Variants in NKX6-3 observed in about 807,000 individuals in gnomAD.
NKX6-3 encodes the protein homeobox protein Nkx-6.3.
A neutral mutation model predicts 22.0 loss-of-function variants in NKX6-3; 17 were observed. That is an observed-to-expected ratio of 0.77 (90% CI 0.53 to 1.16). NKX6-3 has a LOEUF of 1.16. NKX6-3 is among the 50% of genes most tolerant of loss of function. The probability of loss-of-function intolerance (pLI) is 0.00; values close to 1 mark genes in which losing one functional copy is unlikely to be tolerated. For synonymous variants in NKX6-3, 177 were observed against 167.2 expected, an observed-to-expected ratio of 1.06 and a Z score of -0.45; for missense variants, 363 against 359.0, an observed-to-expected ratio of 1.01 and a Z score of -0.09.
In NKX6-3 at chr8:41,647,417, C is replaced by G. The variant is rs531798930; in HGVS notation, c.552+649G>C. 469 of 1,488,342 alleles carry G rather than the reference C, an allele frequency of 3.2e-4. 1 individual carries two copies. In the African/African-American group the frequency reaches 6.3e-3, roughly 20 times the overall value. 92.2% of individuals were successfully genotyped at this position (1,488,342 alleles called of 1,614,324 possible). Reference sequence around the variant, plus strand: ...AAGTGGGGAAAGTTGCCCCCAGACTCTAAGGCGGTAGAAACCGGTTTCCCC... The same window carrying G: ...AAGTGGGGAAAGTTGCCCCCAGACTGTAAGGCGGTAGAAACCGGTTTCCCC... On this transcript the variant is annotated intron_variant, in intron 2 of 2. Transcript: ENST00000518699.
Position 41,647,245 on chromosome 8 carries a change from G to A in NKX6-3, c.553-551C>T, listed in dbSNP as rs535689321. 79 of 1,611,360 alleles carry A rather than the reference G, an allele frequency of 4.9e-5. 1 individual carries two copies. The South Asian group carries it at 8.0e-4, about 16-fold the overall frequency. ...TGTCTGCTTCTTCCCCCCAGCTCTC[G>A]CCCCAGGGCAGCTGAGCGGCTGATG... On this transcript the variant is annotated intron_variant, in intron 2 of 2. Coordinates refer to ENST00000518699, the MANE Select transcript of NKX6-3 (RefSeq NM_001364841.2).
In NKX6-3 at chr8:41,650,753, C is replaced by A. The variant is rs895535594; in HGVS notation, c.-261G>T. ...CTTGCCCTGGCCGGACAGGGTGGCC[C>A]CCTAAGCCTCAGCTCAGACCCCCTT... On this transcript the variant is annotated 5_prime_UTR_variant, in exon 1 of 3. Coordinates refer to ENST00000518699, the MANE Select transcript of NKX6-3 (RefSeq NM_001364841.2). 1 of 463,882 alleles carries A rather than the reference C, an allele frequency of 2.2e-6. No homozygotes were observed. The highest frequency in any genetic ancestry group is 2.0e-5 in the African/African-American group (1 of 49,724). The allele number at this position is 463,882 out of a possible 1,614,324, so 28.7% of individuals were successfully genotyped here.
intron 2 of NKX6-3, among the ~76,000 whole-genome samples, chr8:41,647,832 G>A (rs1469339784): frequency 6.6e-6 from 1 of 152,172 alleles, no homozygotes; most frequent in Non-Finnish European, 1.5e-5. Context: ...CCCCCGGGTT[G>A]CTGAGAGGAT....
At position 41,650,470 on chromosome 8, in the gene NKX6-3, G is replaced by A. The variant is rs1420169397; in HGVS notation, c.23C>T (p.Thr8Met). Reference sequence around the variant, plus strand: ...CAGCGGCGTGTTGTTCAGCAGGAACGTCCCCTGCAGGTTGGACTCCATGAT... The same window carrying A: ...CAGCGGCGTGTTGTTCAGCAGGAACATCCCCTGCAGGTTGGACTCCATGAT... MESNLQG[T>M]FLLNNTPLAQ... The change falls in exon 1 of 3, where the codon ACG becomes ATG. Residue 8 changes from threonine (T) to methionine (M), a missense_variant. Thr to Met is a moderately conservative substitution (Grantham distance 81). Around this residue, in one of 3 missense-constraint regions of NKX6-3, gnomAD observed 175 missense variants for 160.9 expected, o/e 1.09. Coordinates refer to ENST00000518699, the MANE Select transcript of NKX6-3 (RefSeq NM_001364841.2). 12 of 1,535,574 alleles carry A rather than the reference G, an allele frequency of 7.8e-6. No homozygotes were observed. Among genetic ancestry groups the A allele is most frequent in the East Asian group, 2.4e-5 (1 of 40,898 alleles).
Position 41,648,053 on chromosome 8 carries a change from C to T in NKX6-3, c.552+13G>A, listed in dbSNP as rs774198346. The T allele has an allele frequency of 2.7e-5, 41 of 1,523,720 alleles. No homozygotes were observed. Among genetic ancestry groups the T allele is most frequent in the Middle Eastern group, 1.7e-4 (1 of 5,960 alleles). The allele number at this position is 1,523,720 out of a possible 1,614,324, so 94.4% of individuals were successfully genotyped here. The stretch of plus-strand genomic sequence containing the variant: ...TCCCTGCAGGGCAGGTGCCATCTCC[C>T]GCACAGACTTACCTTGACCTGCGAC... On this transcript the variant is annotated intron_variant, in intron 2 of 2. Coordinates refer to ENST00000518699, the MANE Select transcript of NKX6-3 (RefSeq NM_001364841.2).
rs544222345 is a variant in NKX6-3 at position 41,646,654 on chromosome 8, C to T, written c.593G>A (p.Ser198Asn). Residue 198 changes from serine to asparagine, a missense_variant, in exon 3 of 3, where the codon AGC (serine) becomes AAC (asparagine). This residue lies in a region of NKX6-3 where 169 missense variants were observed against 155.8 expected (regional missense o/e 1.08). Coordinates refer to ENST00000518699, the MANE Select transcript of NKX6-3 (RefSeq NM_001364841.2). Reference sequence around the variant, plus strand: ...CGTGGAGGACGAGGGCTCCAGGGCGCTCTTCTTCCGCCACTTGGTCCTGCG... The same window carrying T: ...CGTGGAGGACGAGGGCTCCAGGGCGTTCTTCTTCCGCCACTTGGTCCTGCG... Reference protein sequence around the residue: ...QNRRTKWRKKSALEPSSSTPR... With the variant: ...QNRRTKWRKKNALEPSSSTPR... 6.5e-7 allele frequency: 1 copy of T among 1,546,574 alleles called. No homozygotes were observed. Among genetic ancestry groups the T allele is most frequent in the South Asian group, 1.2e-5 (1 of 84,156 alleles).
At chr8:41,649,783 G>C (rs1298384836) in intron 1 of NKX6-3, among the ~76,000 whole-genome samples, 1 of 152,210 alleles carries the variant, frequency 6.6e-6, no homozygotes, top group African/African-American at 2.4e-5. Context: ...GCAGAAGCCA[G>C]CTGGGCTGCC....
Position 41,646,408 on chromosome 8 carries a change from C to G in NKX6-3, c.*41G>C, listed in dbSNP as rs745361744. On this transcript the variant is annotated 3_prime_UTR_variant, in exon 3 of 3. Coordinates refer to ENST00000518699, the MANE Select transcript of NKX6-3 (RefSeq NM_001364841.2). ...GGAAGGTAGGCTCCTCGGCGTCCCC[C>G]CGCAGGCTGCAGCCAGGATCCCGGG... The G allele has an allele frequency of 6.4e-7, 1 of 1,554,536 alleles. No individual in the cohort carries two copies. Among genetic ancestry groups the G allele is most frequent in the Non-Finnish European group, 8.7e-7 (1 of 1,155,196 alleles).
In NKX6-3 at chr8:41,650,195, C is replaced by T. The variant is rs1328614893; in HGVS notation, c.298G>A (p.Ala100Thr). ...GTCCGGGTCGGGTACTCGTTCCCAG[C>T]CTTGGAAAAATTCCCTACCTGGGGG... is the stretch of plus-strand genomic sequence containing the variant. The part of the protein sequence containing the change: ...YSPQVGNFSK[A>T]GNEYPTRTRN... The change falls in exon 1 of 3, where the codon GCT (alanine) becomes ACT (threonine). Residue 100 changes from alanine to threonine, a missense_variant. Around this residue, in one of 3 missense-constraint regions of NKX6-3, gnomAD observed 175 missense variants for 160.9 expected, o/e 1.09. Coordinates refer to ENST00000518699, the MANE Select transcript of NKX6-3 (RefSeq NM_001364841.2). 4 of 1,534,810 alleles carry T rather than the reference C, an allele frequency of 2.6e-6. No homozygotes were observed. The African/African-American group carries it at 5.5e-5, about 21-fold the overall frequency.
chr8:41,650,684 C>T lies in NKX6-3; in HGVS notation c.-192G>A, dbSNP rs1804301871. The T allele has an allele frequency of 3.3e-6, 2 of 603,620 alleles. No individual in the cohort carries two copies. Among genetic ancestry groups the T allele is most frequent in the Non-Finnish European group, 2.9e-6 (1 of 349,890 alleles). 37.4% of individuals were successfully genotyped at this position (603,620 alleles called of 1,614,324 possible). A position where few individuals can be genotyped will look rare whatever the true frequency, so the allele number is the denominator to read the frequency against. On this transcript the variant is annotated 5_prime_UTR_variant, in exon 1 of 3. Coordinates refer to ENST00000518699, the MANE Select transcript of NKX6-3 (RefSeq NM_001364841.2). ...CGATCAGCTGCTCGGAAGTCAGGTG[C>T]TCGGGGCAGGTGGGAGGCCTCCCCA...
chr8:41,647,499 C>T (rs1221783675), intron 2 of NKX6-3: 2 of 777,558 alleles, frequency 2.6e-6, no homozygotes, highest in South Asian at 1.9e-5. Context: ...AGCCTGGGCT[C>T]ACCCTCCCTA....
At chr8:41,649,682 G>T (rs974060124) in intron 1 of NKX6-3, among the ~76,000 whole-genome samples, 2 of 152,214 alleles carry the variant, frequency 1.3e-5, no homozygotes, top group Admixed American at 6.5e-5. Flanking sequence ...GTGATGCCAG[G>T]GCTCTCTGGG....
chr8:41,646,170 G>A lies in NKX6-3; in HGVS notation c.*279C>T. 1 of 553,850 alleles carries A rather than the reference G, an allele frequency of 1.8e-6. No homozygotes were observed. The highest frequency in any genetic ancestry group is 2.3e-5 in the South Asian group (1 of 42,744). 34.3% of individuals were successfully genotyped at this position (553,850 alleles called of 1,614,324 possible). A position where few individuals can be genotyped will look rare whatever the true frequency, so the allele number is the denominator to read the frequency against. ...ACTGGCAGGCGAGGCCCGAGGAGGT[G>A]CAAGGGGCAGCGGCTTCCAGGTCTC... On this transcript the variant is annotated 3_prime_UTR_variant, in exon 3 of 3. Coordinates refer to ENST00000518699, the MANE Select transcript of NKX6-3 (RefSeq NM_001364841.2).
Position 41,646,613 on chromosome 8 carries a change from CGCCCGGG to C in NKX6-3, c.627_633del (p.Pro210AlafsTer127), listed in dbSNP as rs1343718624. The C allele has an allele frequency of 1.3e-6, 2 of 1,563,132 alleles. No individual in the cohort carries two copies. The highest frequency in any genetic ancestry group is 1.7e-6 in the Non-Finnish European group (2 of 1,154,646). On this transcript the variant is annotated frameshift_variant, in exon 3 of 3. Coordinates refer to ENST00000518699, the MANE Select transcript of NKX6-3 (RefSeq NM_001364841.2). LOFTEE classifies it high-confidence loss of function. ...TCCCCGCCTGCGCCTGCACCCGCGC[CGCCCGGG>C]GCCCGGGGCGTGGAGGACGAGGGCT...
rs1804200453 is a variant in NKX6-3 at position 41,646,399 on chromosome 8, G to T, written c.*50C>A. ...AAGGGGAGGGGAAGGTAGGCTCCTC[G>T]GCGTCCCCCCGCAGGCTGCAGCCAG... On this transcript the variant is annotated 3_prime_UTR_variant, in exon 3 of 3. Coordinates refer to ENST00000518699, the MANE Select transcript of NKX6-3 (RefSeq NM_001364841.2). The T allele has an allele frequency of 6.5e-7, 1 of 1,543,120 alleles. No individual in the cohort carries two copies. Among genetic ancestry groups the T allele is most frequent in the Non-Finnish European group, 8.7e-7 (1 of 1,150,076 alleles).
chr8:41,650,085 G>A, intron 1 of NKX6-3, 26 bp downstream of exon 1: 1 of 1,514,908 alleles, frequency 6.6e-7, no homozygotes, highest in South Asian at 1.2e-5. Flanking sequence ...GGTGCCGGGA[G>A]GTGGCTGGGG....
intron 2 of NKX6-3, among the ~76,000 whole-genome samples, chr8:41,647,034 G>A (rs369697390): frequency 4.0e-4 from 59 of 146,342 alleles, no homozygotes; most frequent in African/African-American, 1.4e-3. Context: ...TGCGCGGGTG[G>A]AAGGCTTAGC....
chr8:41,650,651 C>A lies in NKX6-3; in HGVS notation c.-159G>T. On this transcript the variant is annotated 5_prime_UTR_variant, in exon 1 of 3. Transcript: ENST00000518699. ...CATGGGCCAGGCCCTGGCCCAGGAA[C>A]CGGCACCCGATCAGCTGCTCGGAAG... is the stretch of plus-strand genomic sequence containing the variant. 2.9e-6 allele frequency: 2 copies of A among 692,484 alleles called. No homozygotes were observed. Among genetic ancestry groups the A allele is most frequent in the South Asian group, 3.8e-5 (2 of 51,956 alleles). The allele number at this position is 692,484 out of a possible 1,614,324, so 42.9% of individuals were successfully genotyped here. A position where few individuals can be genotyped will look rare whatever the true frequency, so the allele number is the denominator to read the frequency against.
intron 2 of NKX6-3, chr8:41,647,343 GC>G: frequency 6.4e-7 from 1 of 1,566,856 alleles, no homozygotes; most frequent in Non-Finnish European, 8.6e-7. Context: ...GGTGCCAGCT[GC>G]CCCTGCTGCA....
Sources: allele counts gnomAD v4.1 joint callset (sites outside exome capture counted in the v4.1 genomes callset), GRCh38; gene constraint gnomAD v4.1.1; regional missense constraint gnomAD v4.1.1; transcripts MANE v1.5; gene names NCBI Gene and HGNC (gene_info 2026-07-23, HGNC 2026-07-21).